Variants in SEPTIN6 observed in about 807,000 individuals in gnomAD.
The protein encoded by SEPTIN6 is septin-6.
A neutral mutation model predicts 33.6 loss-of-function variants in SEPTIN6; 8 were observed. The observed-to-expected ratio is 0.24, with a 90% CI of 0.14 to 0.43. The LOEUF (loss-of-function observed/expected upper bound fraction) is 0.43. Among genes scored for constraint, SEPTIN6 ranks in the 20% least tolerant of loss-of-function variants. SEPTIN6 has a pLI of 1.00. For synonymous variants in SEPTIN6, 131 were observed against 140.0 expected, an observed-to-expected ratio of 0.94 and a Z score of 0.45; for missense variants, 250 against 340.8, an observed-to-expected ratio of 0.73 and a Z score of 2.10.
At chrX:119,663,442 C>A in intron 3 of SEPTIN6, 40 bp downstream of exon 3, 1 of 1,022,930 alleles carries the variant, frequency 9.8e-7, no homozygotes. Flanking sequence ...CGGCCCTCTA[C>A]CAACCTCCCC....
intron 1 of SEPTIN6, among the ~76,000 whole-genome samples, chrX:119,684,360 T>C (rs2055013626): frequency 9.0e-6 from 1 of 111,297 alleles, no homozygotes; most frequent in African/African-American, 3.3e-5. Context: ...CTGAAACATG[T>C]AGCAAAAAGT....
At chrX:119,679,404 G>A (rs147347472) in intron 1 of SEPTIN6, among the ~76,000 whole-genome samples, 1 of 111,530 alleles carries the variant, frequency 9.0e-6, no homozygotes, top group Admixed American at 9.6e-5. Context: ...TGATTGGATG[G>A]ACAGAGAGAC....
chrX:119,615,738 G>A (rs1269010289), downstream of SEPTIN6: 4 of 137,204 alleles, frequency 2.9e-5, no homozygotes, highest in Non-Finnish European at 5.9e-5. Context: ...GCATTTCTTT[G>A]AATTTTATTG....
intron 8 of SEPTIN6, among the ~76,000 whole-genome samples, chrX:119,632,286 T>C (rs1321947746): frequency 1.8e-5 from 2 of 108,827 alleles, no homozygotes; most frequent in Non-Finnish European, 3.8e-5. Flanking sequence ...AGCTCCGCCT[T>C]CCGGGTTCAC....
At chrX:119,678,974 GTC>G (rs1434177854) in intron 1 of SEPTIN6, among the ~76,000 whole-genome samples, 1 of 110,774 alleles carries the variant, frequency 9.0e-6, no homozygotes, top group East Asian at 2.8e-4. Context: ...TTGATAAGGA[GTC>G]TCTCCCTGTC....
At chrX:119,646,437 C>T (rs1315435637) in intron 5 of SEPTIN6, among the ~76,000 whole-genome samples, 2 of 111,955 alleles carry the variant, frequency 1.8e-5, no homozygotes, top group East Asian at 5.6e-4. Context: ...CCTGGCCATG[C>T]TTTCAGCCAT....
intron 2 of SEPTIN6, among the ~76,000 whole-genome samples, chrX:119,668,940 G>A (rs1215461151): frequency 3.6e-5 from 4 of 110,854 alleles, no homozygotes; most frequent in African/African-American, 6.6e-5. Context: ...CCCCCTTCCC[G>A]CCCTTTCCCC....
At chrX:119,625,867 CT>C (rs2053849793) in intron 9 of SEPTIN6, among the ~76,000 whole-genome samples, 2 of 111,593 alleles carry the variant, frequency 1.8e-5, no homozygotes, top group African/African-American at 6.5e-5. Flanking sequence ...TTCTTAATCT[CT>C]TTAGGGGCAG....
chrX:119,645,819 T>C (rs186105103), intron 5 of SEPTIN6, among the ~76,000 whole-genome samples: 100 of 111,744 alleles, frequency 8.9e-4, no homozygotes, highest in South Asian at 1.5e-3. Flanking sequence ...TGTGAGCCAC[T>C]GCACCCAGCC....
chrX:119,631,381 T>C (rs1023225880), intron 8 of SEPTIN6, among the ~76,000 whole-genome samples: 4 of 106,973 alleles, frequency 3.7e-5, no homozygotes, highest in Admixed American at 3.0e-4. Flanking sequence ...GGGGTTTCAC[T>C]GAGTTAGCCA....
At chrX:119,624,493 G>A in intron 10 of SEPTIN6, among the ~76,000 whole-genome samples, 1 of 110,779 alleles carries the variant, frequency 9.0e-6, no homozygotes, top group East Asian at 2.8e-4. Context: ...GTTTTGAGGG[G>A]TACAGTCAAA....
chrX:119,674,593 G>A (rs922444455), intron 2 of SEPTIN6, among the ~76,000 whole-genome samples: 9 of 111,710 alleles, frequency 8.1e-5, no homozygotes, highest in African/African-American at 2.9e-4. Flanking sequence ...TAGAGAAGCA[G>A]GGGGAGGAAC....
chrX:119,691,570 A>G (rs1334426017), intron 1 of SEPTIN6, among the ~76,000 whole-genome samples: 9 of 111,908 alleles, frequency 8.0e-5, no homozygotes, highest in Non-Finnish European at 1.5e-4. Flanking sequence ...TCCTTCCACA[A>G]CATGACTGCA....
chrX:119,631,645 C>T (rs768109638), intron 8 of SEPTIN6, among the ~76,000 whole-genome samples: 27 of 110,373 alleles, frequency 2.4e-4, no homozygotes, highest in Non-Finnish European at 3.4e-4. Flanking sequence ...CACTCTGTCA[C>T]GCAGGCTGGA....
At chrX:119,674,581 G>A (rs12353569) in intron 2 of SEPTIN6, among the ~76,000 whole-genome samples, 17,796 of 111,081 alleles carry the variant, frequency 0.16, 2,152 homozygotes, top group African/African-American at 0.42. Flanking sequence ...GCTGGCAGCA[G>A]TTAGAGAAGC....
intron 1 of SEPTIN6, among the ~76,000 whole-genome samples, chrX:119,683,120 G>T (rs764296967): frequency 3.6e-5 from 4 of 112,368 alleles, no homozygotes; most frequent in African/African-American, 9.7e-5. Flanking sequence ...AGGCTTGGTG[G>T]CTCATGCCTG....
chrX:119,618,955 C>A lies in SEPTIN6; in HGVS notation c.*1138G>T. 1 of 984,258 alleles carries A rather than the reference C, an allele frequency of 1.0e-6. No individual in the cohort carries two copies. Among genetic ancestry groups the A allele is most frequent in the East Asian group, 4.0e-5 (1 of 25,226 alleles). 81.1% of individuals were successfully genotyped at this position (984,258 alleles called of 1,213,427 possible). On this transcript the variant is annotated 3_prime_UTR_variant, in exon 11 of 11. Transcript: ENST00000394610. ...TTCCCAAAGCCACTATCAGATGGGA[C>A]CCATGATAAAAACTTAGGGCTGGAA... is the stretch of plus-strand genomic sequence containing the variant.
chrX:119,656,941 A>G (rs61252575), intron 3 of SEPTIN6, among the ~76,000 whole-genome samples: 23,461 of 108,897 alleles, frequency 0.22, 2,017 homozygotes, highest in African/African-American at 0.3. Flanking sequence ...TGTGGAGGCC[A>G]GGTGGGGTGG....
chrX:119,658,089 T>C (rs1460266457), intron 3 of SEPTIN6, among the ~76,000 whole-genome samples: 1 of 112,094 alleles, frequency 8.9e-6, no homozygotes, highest in Admixed American at 9.5e-5. Flanking sequence ...ATAGCGCCAC[T>C]GCACTCCCGT....
Sources: gnomAD v4.1 joint callset for allele counts (sites outside exome capture counted in the v4.1 genomes callset) on GRCh38, gnomAD v4.1.1 for gene constraint, MANE v1.5 for transcripts, NCBI Gene and HGNC (gene_info 2026-07-23, HGNC 2026-07-21) for gene names.